FCHSD2: variants seen among roughly 807,000 people sequenced by gnomAD.
FCHSD2 encodes the protein FCH and double SH3 domains 2.
Under a neutral mutation model 108.1 loss-of-function variants are expected in FCHSD2, and 38 were observed. The observed-to-expected ratio is 0.35, with a 90% CI of 0.27 to 0.46. FCHSD2 has a LOEUF of 0.46. Ranked by LOEUF, FCHSD2 falls within the 20% of genes least tolerant of loss-of-function variation. The probability of loss-of-function intolerance (pLI) is 1.00; values close to 1 mark genes in which losing one functional copy is unlikely to be tolerated. For synonymous variants in FCHSD2, 279 were observed against 314.7 expected (o/e 0.89, Z 1.20); for missense variants, 751 against 897.8 (o/e 0.84, Z 2.09).
At chr11:73,087,401 T>C (rs757313459) in intron 2 of FCHSD2, among the ~76,000 whole-genome samples, 3 of 152,060 alleles carry the variant, frequency 2.0e-5, no homozygotes, top group Non-Finnish European at 4.4e-5. Flanking sequence ...AATTTATTTA[T>C]TACTGAAGAA....
intron 3 of FCHSD2, among the ~76,000 whole-genome samples, chr11:73,078,211 T>G (rs1443840892): frequency 6.6e-6 from 1 of 152,212 alleles, no homozygotes; most frequent in African/African-American, 2.4e-5. Flanking sequence ...AGCAAAGATA[T>G]GAAGCACCTG....
intron 3 of FCHSD2, among the ~76,000 whole-genome samples, chr11:73,052,826 T>C (rs879708245): frequency 9.9e-5 from 15 of 152,110 alleles, no homozygotes; most frequent in Non-Finnish European, 2.1e-4. Flanking sequence ...TCTACAGATA[T>C]TTAGGACATA....
At position 72,964,769 on chromosome 11, in the gene FCHSD2, A is replaced by G. The variant is rs1012089729; in HGVS notation, c.705+19319T>C. ...TGCTGCCAGAGTAATCCTTCCAAAC[A>G]TGTAAATTTGATCATTTCACTTTTT... is the stretch of plus-strand genomic sequence containing the variant. On this transcript the variant is annotated intron_variant, in intron 8 of 19. Transcript: ENST00000409418. 5.4e-5 allele frequency among the ~76,000 whole-genome samples: 8 copies of G among 148,076 alleles called. No homozygotes were observed. The East Asian group carries it at 1.6e-3, about 29-fold the overall frequency.
intron 6 of FCHSD2, among the ~76,000 whole-genome samples, chr11:72,986,149 T>A (rs1401126454): frequency 2.0e-5 from 3 of 152,182 alleles, no homozygotes; most frequent in Non-Finnish European, 4.4e-5. Flanking sequence ...GTTAAAAAAA[T>A]TGGGTTTAAA....
chr11:73,083,664 C>A, intron 3 of FCHSD2, 31 bp downstream of exon 3: 1 of 1,456,148 alleles, frequency 6.9e-7, no homozygotes, highest in Non-Finnish European at 9.4e-7. Flanking sequence ...AAGAAGTATA[C>A]CTAGAATGGG....
chr11:72,983,767 T>C, intron 8 of FCHSD2: 1 of 464,424 alleles, frequency 2.2e-6, no homozygotes, highest in Non-Finnish European at 4.2e-6. Context: ...AGAAGTAGTT[T>C]CCCAGTTTGA....
chr11:73,061,203 C>T (rs566767993), intron 3 of FCHSD2, among the ~76,000 whole-genome samples: 1 of 152,278 alleles, frequency 6.6e-6, no homozygotes, highest in African/African-American at 2.4e-5. Context: ...CTGGGAAGCA[C>T]AAAGGGTCAG....
At chr11:72,926,225 G>A (rs573780452) in intron 8 of FCHSD2, among the ~76,000 whole-genome samples, 3 of 152,278 alleles carry the variant, frequency 2.0e-5, no homozygotes, top group Non-Finnish European at 4.4e-5. Context: ...CAGCAGACTA[G>A]AGTGGGGACT....
intron 5 of FCHSD2, among the ~76,000 whole-genome samples, chr11:73,000,316 T>C (rs1857601726): frequency 6.6e-6 from 1 of 152,200 alleles, no homozygotes; most frequent in Non-Finnish European, 1.5e-5. Flanking sequence ...AAATTTTAAT[T>C]ACTTATTAGG....
intron 10 of FCHSD2, chr11:72,900,228 C>CA: frequency 5.8e-6 from 7 of 1,210,184 alleles, no homozygotes; most frequent in Non-Finnish European, 8.3e-6. Flanking sequence ...CTTCCCATCC[C>CA]TCCCGCCCTT....
At chr11:73,093,848 G>A (rs1565406964) in intron 2 of FCHSD2, among the ~76,000 whole-genome samples, 2 of 151,802 alleles carry the variant, frequency 1.3e-5, no homozygotes, top group African/African-American at 4.8e-5. Context: ...CAGGTGATCT[G>A]CCCACCTCGG....
chr11:72,917,332 T>A (rs1855894092), intron 9 of FCHSD2, among the ~76,000 whole-genome samples: 1 of 152,208 alleles, frequency 6.6e-6, no homozygotes. Context: ...AAAACCTTTT[T>A]CTGAAGAGAA....
intron 10 of FCHSD2, among the ~76,000 whole-genome samples, chr11:72,892,309 CAGGTAACTA>C (rs1855329734): frequency 6.6e-6 from 1 of 152,146 alleles, no homozygotes; most frequent in South Asian, 2.1e-4. Flanking sequence ...ATGATCAGGA[CAGGTAACTA>C]ATGCCACTGA....
At chr11:72,911,002 G>C (rs749376981) in intron 9 of FCHSD2, among the ~76,000 whole-genome samples, 14 of 151,646 alleles carry the variant, frequency 9.2e-5, no homozygotes, top group Non-Finnish European at 1.6e-4. Context: ...AACTTGATGT[G>C]ATCCCACTTG....
chr11:72,979,719 G>A (rs947385724), intron 8 of FCHSD2, among the ~76,000 whole-genome samples: 1 of 152,116 alleles, frequency 6.6e-6, no homozygotes, highest in African/African-American at 2.4e-5. Context: ...TCGCAAGAAG[G>A]TACTGGAGGA....
intron 8 of FCHSD2, among the ~76,000 whole-genome samples, chr11:72,926,827 T>TA (rs1856085622): frequency 6.6e-6 from 1 of 152,202 alleles, no homozygotes. Flanking sequence ...CTTTTGTTGA[T>TA]AGTTTTGAAT....
At chr11:73,080,627 G>A (rs993218695) in intron 3 of FCHSD2, among the ~76,000 whole-genome samples, 1 of 152,082 alleles carries the variant, frequency 6.6e-6, no homozygotes, top group African/African-American at 2.4e-5. Flanking sequence ...AATTGACAAA[G>A]AGTGAGTTAT....
intron 4 of FCHSD2, among the ~76,000 whole-genome samples, chr11:73,011,067 C>A (rs936117083): frequency 2.0e-5 from 3 of 152,124 alleles, no homozygotes; most frequent in Non-Finnish European, 2.9e-5. Flanking sequence ...TGGGTAGAAC[C>A]AACCTCAGGC....
At chr11:73,016,591 C>A (rs2135434225) in intron 3 of FCHSD2, among the ~76,000 whole-genome samples, 1 of 152,320 alleles carries the variant, frequency 6.6e-6, no homozygotes, top group Middle Eastern at 3.4e-3. Flanking sequence ...CTTTCTAAAT[C>A]TCGGCAGCCA....
Sources: gnomAD v4.1 joint callset for allele counts (sites outside exome capture counted in the v4.1 genomes callset) on GRCh38, gnomAD v4.1.1 for gene constraint, MANE v1.5 for transcripts, NCBI Gene and HGNC (gene_info 2026-07-23, HGNC 2026-07-21) for gene names.